The following SLC24A4 variants were observed in gnomAD, a reference collection of about 807,000 sequenced individuals.
SLC24A4 encodes solute carrier family 24 member 4, also known as sodium/potassium/calcium exchanger 4.
A neutral mutation model predicts 79.0 loss-of-function variants in SLC24A4; 53 were observed. That is an observed-to-expected ratio of 0.67 (90% confidence interval 0.54 to 0.84). The LOEUF (loss-of-function observed/expected upper bound fraction) is 0.84. Among genes scored for constraint, SLC24A4 ranks in the 40% least tolerant of loss-of-function variants. The pLI, the probability that SLC24A4 is intolerant of heterozygous loss-of-function variation, is 0.00. For synonymous variants in SLC24A4, 323 were observed against 323.8 expected (o/e 1.00, Z 0.03); for missense variants, 731 against 822.0 (o/e 0.89, Z 1.35).
chr14:92,442,903 G>A (rs1892584939), intron 6 of SLC24A4, 87 bp downstream of exon 6: 2 of 1,122,966 alleles, frequency 1.8e-6, no homozygotes, highest in Non-Finnish European at 2.7e-6. Flanking sequence ...GGGTAGCAGT[G>A]GGGACGCCCA....
At chr14:92,325,520 C>T (rs1430542692) in intron 1 of SLC24A4, among the ~76,000 whole-genome samples, 2 of 152,228 alleles carry the variant, frequency 1.3e-5, no homozygotes, top group African/African-American at 4.8e-5. Context: ...TGAAGTTCCT[C>T]CAGGGCAGGG....
chr14:92,388,038 G>A (rs886419813), intron 2 of SLC24A4, among the ~76,000 whole-genome samples: 56 of 152,190 alleles, frequency 3.7e-4, no homozygotes, highest in African/African-American at 1.4e-3. Context: ...GTCGCTGCTT[G>A]TGGTTCTTTG....
At chr14:92,420,899 CTT>C (rs1595253544) in intron 2 of SLC24A4, among the ~76,000 whole-genome samples, 1 of 152,232 alleles carries the variant, frequency 6.6e-6, no homozygotes, top group East Asian at 1.9e-4. Context: ...ATACTGTGGT[CTT>C]GTTTCCTGGG....
At chr14:92,339,749 T>C (rs1440636306) in intron 2 of SLC24A4, among the ~76,000 whole-genome samples, 1 of 152,244 alleles carries the variant, frequency 6.6e-6, no homozygotes, top group East Asian at 1.9e-4. Context: ...GGACGGTTTC[T>C]GAGCAATTCT....
At chr14:92,443,070 G>A (rs1892596347) in intron 6 of SLC24A4, among the ~76,000 whole-genome samples, 1 of 152,178 alleles carries the variant, frequency 6.6e-6, no homozygotes, top group African/African-American at 2.4e-5. Flanking sequence ...GCTCATGAGT[G>A]AGGCCCTGCC....
At chr14:92,476,258 G>A (rs1894757952) in intron 12 of SLC24A4, among the ~76,000 whole-genome samples, 1 of 152,224 alleles carries the variant, frequency 6.6e-6, no homozygotes, top group Non-Finnish European at 1.5e-5. Flanking sequence ...ACCTAGATGA[G>A]TTGGGATGTG....
At chr14:92,345,124 G>A (rs923057307) in intron 2 of SLC24A4, among the ~76,000 whole-genome samples, 4 of 152,162 alleles carry the variant, frequency 2.6e-5, no homozygotes, top group South Asian at 2.1e-4. Context: ...GACAACCCCC[G>A]AGTTGCAGGA....
At chr14:92,367,140 G>C (rs1887891145) in intron 2 of SLC24A4, among the ~76,000 whole-genome samples, 2 of 152,230 alleles carry the variant, frequency 1.3e-5, no homozygotes, top group African/African-American at 2.4e-5. Flanking sequence ...ACAGGAAAAA[G>C]TGCCTTGCCC....
At chr14:92,492,619 G>A (rs887823269) in intron 16 of SLC24A4, among the ~76,000 whole-genome samples, 187 of 152,230 alleles carry the variant, frequency 1.2e-3, no homozygotes, top group African/African-American at 4.3e-3. Flanking sequence ...TACCCTACAT[G>A]TCCAGGTCTG....
rs2139843542 is a variant in SLC24A4, at chr14:92,454,021, T to A, written c.1002T>A (p.Phe334Leu). ...AGLRIMITNK[F>L]GPRTRLRMAS... ...TACGAATCATGATCACCAATAAGTTTGGACCCAGGACCCGACTACGGATGG... is the reference window on the plus strand; with the variant it reads ...TACGAATCATGATCACCAATAAGTTAGGACCCAGGACCCGACTACGGATGG... The change falls in exon 11 of 17, where the codon TTT becomes TTA. Residue 334 changes from phenylalanine to leucine, a missense_variant. Physicochemically the swap from Phe to Leu is conservative, Grantham distance 22. Transcript: ENST00000532405. 1 of 1,613,732 alleles carries A rather than the reference T, an allele frequency of 6.2e-7. No homozygotes were observed. Among genetic ancestry groups the A allele is most frequent in the East Asian group, 2.2e-5 (1 of 44,856 alleles).
chr14:92,491,929 T>G (rs1895694739), intron 15 of SLC24A4, 152 bp downstream of exon 15: 6 of 693,258 alleles, frequency 8.7e-6, no homozygotes, highest in Middle Eastern at 4.0e-4. Context: ...ACCTTAGGGA[T>G]GTCTACACTT....
intron 1 of SLC24A4, among the ~76,000 whole-genome samples, chr14:92,324,271 T>G (rs1318096834): frequency 6.6e-6 from 1 of 152,120 alleles, no homozygotes. Flanking sequence ...GCAGCGCAAC[T>G]GCGGGGTGCA....
chr14:92,434,537 T>A (rs1426886205), intron 3 of SLC24A4, among the ~76,000 whole-genome samples: 1 of 152,196 alleles, frequency 6.6e-6, no homozygotes, highest in Non-Finnish European at 1.5e-5. Flanking sequence ...TATCTTTTTC[T>A]GGGCCAGTGA....
At chr14:92,445,249 C>A (rs6575255) in intron 7 of SLC24A4, 68 bp from the exon 8 acceptor site, 150,283 of 1,584,832 alleles carry the variant, frequency 0.095, 8,215 homozygotes, top group African/African-American at 0.21. Context: ...GCCTGGGTGT[C>A]CGTGCTTGTT....
chr14:92,432,509 C>T (rs1891931041), intron 2 of SLC24A4, among the ~76,000 whole-genome samples: 1 of 152,148 alleles, frequency 6.6e-6, no homozygotes, highest in African/African-American at 2.4e-5. Flanking sequence ...TGCATTTCTC[C>T]TGGAAGTAAG....
intron 2 of SLC24A4, among the ~76,000 whole-genome samples, chr14:92,400,481 A>G (rs1890057042): frequency 6.6e-6 from 1 of 150,936 alleles, no homozygotes; most frequent in Admixed American, 6.6e-5. Flanking sequence ...AAATACATAC[A>G]CACAGCCGGA....
At chr14:92,378,116 G>A (rs755106631) in intron 2 of SLC24A4, among the ~76,000 whole-genome samples, 22 of 152,068 alleles carry the variant, frequency 1.4e-4, no homozygotes, top group Non-Finnish European at 1.8e-4. Context: ...ATTTTGTTGC[G>A]GGTGGCAATA....
At chr14:92,372,922 TTTC>T (rs1566721954) in intron 2 of SLC24A4, among the ~76,000 whole-genome samples, 4 of 125,318 alleles carry the variant, frequency 3.2e-5, no homozygotes, top group Non-Finnish European at 5.4e-5. Flanking sequence ...CCTTCCTTTC[TTTC>T]TCTTTCTTTC....
intron 2 of SLC24A4, among the ~76,000 whole-genome samples, chr14:92,326,766 C>T (rs1885167890): frequency 6.6e-6 from 1 of 152,194 alleles, no homozygotes; most frequent in African/African-American, 2.4e-5. Context: ...GATACATTCA[C>T]AAGCCCTTAG....
Sources: allele counts gnomAD v4.1 joint callset (sites outside exome capture counted in the v4.1 genomes callset), GRCh38; gene constraint gnomAD v4.1.1; transcripts MANE v1.5; gene names NCBI Gene and HGNC (gene_info 2026-07-23, HGNC 2026-07-21).